The following SHANK2 variants were observed in gnomAD, a reference collection of about 807,000 sequenced individuals.
The protein encoded by SHANK2 is SH3 and multiple ankyrin repeat domains protein 2.
A neutral mutation model predicts 133.7 loss-of-function variants in SHANK2; 43 were observed. The ratio of observed to expected loss-of-function variants is 0.32; its 90% confidence interval spans 0.25 to 0.41. The LOEUF (loss-of-function observed/expected upper bound fraction) is 0.41, where lower values mean the gene tolerates loss of function less well. Among genes scored for constraint, SHANK2 ranks in the 10% least tolerant of loss-of-function variants. The probability of loss-of-function intolerance (pLI) is 1.00; values close to 1 mark genes in which losing one functional copy is unlikely to be tolerated. For synonymous variants in SHANK2, 1,017 were observed against 952.8 expected, an observed-to-expected ratio of 1.07 and a Z score of -1.24; for missense variants, 1,994 against 2,235.8, an observed-to-expected ratio of 0.89 and a Z score of 2.18.
intron 2 of SHANK2, among the ~76,000 whole-genome samples, chr11:71,215,117 G>A (rs1255140090): frequency 1.3e-5 from 2 of 152,202 alleles, no homozygotes; most frequent in Non-Finnish European, 2.9e-5. Flanking sequence ...GGCATGCCCC[G>A]ATGTGCGATG....
chr11:70,602,808 A>T (rs1170345599), intron 17 of SHANK2, among the ~76,000 whole-genome samples: 1 of 152,248 alleles, frequency 6.6e-6, no homozygotes, highest in South Asian at 2.1e-4. Flanking sequence ...TACATTTTAC[A>T]ATATTAAACA....
intron 14 of SHANK2, among the ~76,000 whole-genome samples, chr11:70,793,826 G>C (rs1488501703): frequency 6.6e-6 from 1 of 152,126 alleles, no homozygotes; most frequent in Non-Finnish European, 1.5e-5. Flanking sequence ...TCTACCTAGA[G>C]AAATAAAAAT....
intron 17 of SHANK2, among the ~76,000 whole-genome samples, chr11:70,643,705 G>A (rs2061219643): frequency 2.0e-5 from 3 of 152,098 alleles, no homozygotes; most frequent in Admixed American, 2.0e-4. Flanking sequence ...TTTATACGTT[G>A]GCATTGTTTT....
At chr11:70,520,849 G>A (rs1233481052) in intron 17 of SHANK2, among the ~76,000 whole-genome samples, 6 of 152,214 alleles carry the variant, frequency 3.9e-5, no homozygotes, top group Non-Finnish European at 7.3e-5. Flanking sequence ...TGTCCCGGCC[G>A]TGGTCTTTGG....
At chr11:70,594,506 C>T (rs1004243879) in intron 17 of SHANK2, among the ~76,000 whole-genome samples, 1 of 152,164 alleles carries the variant, frequency 6.6e-6, no homozygotes, top group Non-Finnish European at 1.5e-5. Context: ...TGCATGAAGT[C>T]AACCCAAGGA....
chr11:71,138,093 CGAA>C (rs1952482912), intron 3 of SHANK2, among the ~76,000 whole-genome samples: 2 of 148,596 alleles, frequency 1.3e-5, no homozygotes, highest in Non-Finnish European at 3.0e-5. Flanking sequence ...GCAAAGCACC[CGAA>C]CACAGCTTCT....
In SHANK2 at chr11:71,092,678, C is replaced by A; in HGVS notation, c.745-89G>T. On this transcript the variant is annotated intron_variant, in intron 7 of 25. Transcript: ENST00000601538. ...ATCCAGAAAGCAGCACCAGGACCAC[C>A]CTCCCCCAGGTCAAGGCAACCCACA... 5.1e-6 allele frequency: 7 copies of A among 1,365,690 alleles called. No individual in the cohort carries two copies. The East Asian group carries it at 7.5e-5, about 15-fold the overall frequency. 84.6% of individuals were successfully genotyped at this position (1,365,690 alleles called of 1,614,324 possible).
At chr11:70,575,369 A>G (rs1263766487) in intron 17 of SHANK2, among the ~76,000 whole-genome samples, 1 of 152,094 alleles carries the variant, frequency 6.6e-6, no homozygotes, top group African/African-American at 2.4e-5. Flanking sequence ...CACACAAAAA[A>G]TCAGCTGGGC....
chr11:71,194,037 G>A lies in SHANK2; in HGVS notation c.-13+30660C>T, dbSNP rs573110291. 7.2e-5 allele frequency among the ~76,000 whole-genome samples: 11 copies of A among 152,288 alleles called. No homozygotes were observed. The South Asian group carries it at 1.7e-3, about 23-fold the overall frequency. On this transcript the variant is annotated intron_variant, in intron 2 of 25. Transcript: ENST00000601538. ...TTCAGCCCACAGCAGTGCTGCTGGCGGGAAGGGCTGAGTCAAGAGCAAGAT... is the reference window on the plus strand; with the variant it reads ...TTCAGCCCACAGCAGTGCTGCTGGCAGGAAGGGCTGAGTCAAGAGCAAGAT...
At chr11:70,755,329 C>A (rs1203734377) in intron 14 of SHANK2, among the ~76,000 whole-genome samples, 2 of 152,252 alleles carry the variant, frequency 1.3e-5, no homozygotes, top group African/African-American at 4.8e-5. Context: ...GCCTCGGCCT[C>A]CCAAAGCGCT....
intron 14 of SHANK2, among the ~76,000 whole-genome samples, chr11:70,735,335 C>A (rs1171033922): frequency 6.6e-6 from 1 of 152,154 alleles, no homozygotes; most frequent in Non-Finnish European, 1.5e-5. Flanking sequence ...GTGCAGGGAA[C>A]TCCAGAGAGG....
chr11:70,500,425 G>A lies in SHANK2; in HGVS notation c.2308+145C>T, dbSNP rs533050873. 77 of 1,028,958 alleles carry A rather than the reference G, an allele frequency of 7.5e-5. No individual in the cohort carries two copies. In the African/African-American group the frequency reaches 9.8e-4, roughly 13 times the overall value. 63.7% of individuals were successfully genotyped at this position (1,028,958 alleles called of 1,614,324 possible). A position where few individuals can be genotyped will look rare whatever the true frequency, so the allele number is the denominator to read the frequency against. The stretch of plus-strand genomic sequence containing the variant: ...CAGACAGATGAATGTGCTCCAGGGC[G>A]GCAGGGCTCCTCGGGCAGGACCCAG... On this transcript the variant is annotated intron_variant, in intron 21 of 25. Coordinates refer to ENST00000601538, the MANE Select transcript of SHANK2 (RefSeq NM_012309.5). The surrounding 1 kb of genome is among the most constrained non-coding windows in gnomAD (Gnocchi z 4.5).
rs78807087 is a variant in SHANK2, at chr11:70,827,154, C to T, written c.1175-6472G>A. On this transcript the variant is annotated intron_variant, in intron 11 of 25. Transcript: ENST00000601538. ...AGCATTCTGGAATTTCTGAACACGA[C>T]CTATATTTCTGTTCAAAAGAATCAG... Among the ~76,000 whole-genome samples the T allele has an allele frequency of 1.5e-4, 23 of 152,196 alleles. No homozygotes were observed. The East Asian group carries it at 4.3e-3, about 28-fold the overall frequency.
intron 13 of SHANK2, among the ~76,000 whole-genome samples, chr11:70,803,353 C>CCATCCATCCATCTAT (rs1948093810): frequency 1.6e-5 from 2 of 129,020 alleles, no homozygotes; most frequent in East Asian, 2.5e-4. Flanking sequence ...CATCCATTTA[C>CCATCCATCCATCTAT]CTATCCATCC....
intron 17 of SHANK2, among the ~76,000 whole-genome samples, chr11:70,606,508 CAAAAAAAAAAA>C (rs60348645): frequency 3.6e-5 from 2 of 55,070 alleles, no homozygotes; most frequent in African/African-American, 1.5e-4. Context: ...AACCTTGACT[CAAAAAAAAAAA>C]AAAAAAAAAA....
intron 17 of SHANK2, among the ~76,000 whole-genome samples, chr11:70,582,497 G>T (rs1388137069): frequency 3.9e-5 from 6 of 152,330 alleles, no homozygotes; most frequent in Admixed American, 3.9e-4. Flanking sequence ...CTATAGAGGC[G>T]GCAGGCAGCA....
intron 11 of SHANK2, among the ~76,000 whole-genome samples, chr11:70,824,776 G>A (rs889390664): frequency 2.6e-5 from 4 of 152,242 alleles, no homozygotes; most frequent in South Asian, 2.1e-4. Flanking sequence ...GAGGGCTTCC[G>A]GGTGATCCGG....
intron 10 of SHANK2, among the ~76,000 whole-genome samples, chr11:70,928,608 G>A (rs189606729): frequency 6.6e-6 from 1 of 152,148 alleles, no homozygotes; most frequent in Non-Finnish European, 1.5e-5. Flanking sequence ...CAGATCCCTG[G>A]GGGGGAAGAG....
chr11:70,819,860 G>A lies in SHANK2; in HGVS notation c.1493+504C>T, dbSNP rs896702522. On this transcript the variant is annotated intron_variant, in intron 12 of 25. Transcript: ENST00000601538. ...CAGCCAGACGCCAGAGCCCTGAGCC[G>A]GCCTCTCCGGCCCCCAGCATTCTCC... is the stretch of plus-strand genomic sequence containing the variant. Among the ~76,000 whole-genome samples, 25 of 152,128 alleles carry A rather than the reference G, an allele frequency of 1.6e-4. 1 individual carries two copies. Among genetic ancestry groups the A allele is most frequent in the Non-Finnish European group, 3.1e-4 (21 of 68,018 alleles).
Sources: gnomAD v4.1 joint callset for allele counts (sites outside exome capture counted in the v4.1 genomes callset) on GRCh38, gnomAD v4.1.1 for gene constraint, Gnocchi (gnomAD v3.1) non-coding constraint, MANE v1.5 for transcripts, NCBI Gene and HGNC (gene_info 2026-07-23, HGNC 2026-07-21) for gene names.